SEMA5A: variants seen among roughly 807,000 people sequenced by gnomAD.
SEMA5A encodes the protein semaphorin-5A.
Under a neutral mutation model 135.5 loss-of-function variants are expected in SEMA5A, and 55 were observed. The ratio of observed to expected loss-of-function variants is 0.41; its 90% confidence interval spans 0.33 to 0.51. The LOEUF is 0.51. Among genes scored for constraint, SEMA5A ranks in the 20% least tolerant of loss-of-function variants. The pLI is 0.37. For missense variants in SEMA5A, 1,290 were observed against 1,419.9 expected (o/e 0.91, Z 1.47); for synonymous variants, 580 against 546.5 (o/e 1.06, Z -0.85).
At chr5:9,510,936 C>T (rs536956411) in intron 1 of SEMA5A, among the ~76,000 whole-genome samples, 15 of 152,296 alleles carry the variant, frequency 9.8e-5, no homozygotes, top group South Asian at 2.1e-4. Context: ...ATGGTCCATT[C>T]GGCCTGCCAT....
intron 13 of SEMA5A, among the ~76,000 whole-genome samples, chr5:9,133,137 T>G (rs1417237099): frequency 6.6e-6 from 1 of 152,212 alleles, no homozygotes; most frequent in Non-Finnish European, 1.5e-5. Context: ...ATTTGCCCAA[T>G]AAAATTAAGC....
intron 4 of SEMA5A, among the ~76,000 whole-genome samples, chr5:9,321,021 G>A (rs751181204): frequency 7.2e-5 from 11 of 152,160 alleles, no homozygotes; most frequent in Admixed American, 5.2e-4. Flanking sequence ...TCCAGGGAGG[G>A]GCCTAGTAGG....
At chr5:9,499,837 G>C (rs1291263966) in intron 1 of SEMA5A, among the ~76,000 whole-genome samples, 3 of 151,996 alleles carry the variant, frequency 2.0e-5, no homozygotes, top group Non-Finnish European at 4.4e-5. Context: ...ACATCACATG[G>C]AGCACAGAGC....
intron 5 of SEMA5A, among the ~76,000 whole-genome samples, chr5:9,269,946 G>T (rs895075548): frequency 6.6e-6 from 1 of 152,100 alleles, no homozygotes; most frequent in African/African-American, 2.4e-5. Context: ...AGAAGGGCCT[G>T]CTTGCAAAAT....
At chr5:9,495,609 C>A (rs148481469) in intron 1 of SEMA5A, among the ~76,000 whole-genome samples, 7 of 152,264 alleles carry the variant, frequency 4.6e-5, no homozygotes, top group Admixed American at 1.3e-4. Flanking sequence ...AATAACCAGC[C>A]CCTCAACAAG....
At chr5:9,107,248 T>C (rs1355282488) in intron 16 of SEMA5A, among the ~76,000 whole-genome samples, 1 of 152,182 alleles carries the variant, frequency 6.6e-6, no homozygotes, top group Non-Finnish European at 1.5e-5. Context: ...GGAAATGCTG[T>C]TACTCTTACA....
At chr5:9,373,972 A>G (rs1262391256) in intron 3 of SEMA5A, among the ~76,000 whole-genome samples, 1 of 152,216 alleles carries the variant, frequency 6.6e-6, no homozygotes, top group African/African-American at 2.4e-5. Flanking sequence ...AATTTCAGAG[A>G]TGGTTTTGAG....
Position 9,054,177 on chromosome 5 carries a change from A to T in SEMA5A, c.2599T>A (p.Ser867Thr), listed in dbSNP as rs746993347. The change falls in exon 19 of 23, where the codon TCT becomes ACT. Residue 867 changes from serine to threonine, a missense_variant. Around this residue, in one of 3 missense-constraint regions of SEMA5A, gnomAD observed 1,029 missense variants for 1,086.6 expected, o/e 0.95. Coordinates refer to ENST00000382496, the MANE Select transcript of SEMA5A (RefSeq NM_003966.3). Reference protein sequence around the residue: ...CGGGHYMRTRSCSNPAPAYGG... With the variant: ...CGGGHYMRTRTCSNPAPAYGG... ...TAGGCCGGGGCTGGATTGGAGCAAG[A>T]GCGGGTCCTCATATAGTGTCCACCG... 5.0e-6 allele frequency: 8 copies of T among 1,614,024 alleles called. No individual in the cohort carries two copies. Among genetic ancestry groups the T allele is most frequent in the Non-Finnish European group, 5.1e-6 (6 of 1,179,996 alleles).
intron 16 of SEMA5A, among the ~76,000 whole-genome samples, chr5:9,104,759 C>T (rs1297955613): frequency 2.0e-5 from 3 of 152,192 alleles, no homozygotes; most frequent in Non-Finnish European, 4.4e-5. Context: ...TGTGAAGCCA[C>T]AGGCATGCAG....
At chr5:9,313,744 C>G (rs1473217264) in intron 5 of SEMA5A, among the ~76,000 whole-genome samples, 1 of 152,092 alleles carries the variant, frequency 6.6e-6, no homozygotes, top group Admixed American at 6.6e-5. Context: ...GGTGTTGTCT[C>G]CAGTGAAACT....
chr5:9,381,971 TGTGTGTGTGTGCGC>T (rs56948393), intron 2 of SEMA5A, among the ~76,000 whole-genome samples: 1,684 of 128,860 alleles, frequency 0.013, 45 homozygotes, highest in Middle Eastern at 0.065. Context: ...TGTGTGTGTG[TGTGTGTGTGTGCGC>T]GCGCGCGCAC....
intron 18 of SEMA5A, among the ~76,000 whole-genome samples, chr5:9,058,995 A>G (rs1737039876): frequency 6.6e-6 from 1 of 152,228 alleles, no homozygotes; most frequent in Non-Finnish European, 1.5e-5. Flanking sequence ...ATTTATCTAT[A>G]GGACACACAA....
intron 2 of SEMA5A, among the ~76,000 whole-genome samples, chr5:9,381,981 T>TGTGTGTGTGTGTGTGTGC (rs1411451751): frequency 1.2e-4 from 12 of 99,918 alleles, no homozygotes; most frequent in Non-Finnish European, 2.4e-4. Context: ...TGTGTGTGTG[T>TGTGTGTGTGTGTGTGTGC]GCGCGCGCGC....
At chr5:9,064,905 G>A (rs1403771974) in intron 17 of SEMA5A, among the ~76,000 whole-genome samples, 1 of 152,168 alleles carries the variant, frequency 6.6e-6, no homozygotes, top group African/African-American at 2.4e-5. Flanking sequence ...CCTAGGTGGA[G>A]GTCACAAGAT....
intron 1 of SEMA5A, among the ~76,000 whole-genome samples, chr5:9,455,787 T>A (rs1758811419): frequency 6.6e-6 from 1 of 152,158 alleles, no homozygotes; most frequent in Non-Finnish European, 1.5e-5. Context: ...TGTGTATAAA[T>A]AAATTAACTG....
At chr5:9,542,569 T>C (rs925373515) in intron 1 of SEMA5A, among the ~76,000 whole-genome samples, 5 of 152,208 alleles carry the variant, frequency 3.3e-5, no homozygotes, top group Non-Finnish European at 5.9e-5. Flanking sequence ...ATTTTAAACA[T>C]TATTTAACAC....
chr5:9,475,897 C>T (rs961920815), intron 1 of SEMA5A, among the ~76,000 whole-genome samples: 2 of 152,166 alleles, frequency 1.3e-5, no homozygotes, highest in Admixed American at 1.3e-4. Context: ...GAAAGAAAAT[C>T]TCCCTTCCAT....
chr5:9,127,559 G>A (rs1008350074), intron 13 of SEMA5A, among the ~76,000 whole-genome samples: 4 of 152,084 alleles, frequency 2.6e-5, no homozygotes, highest in Admixed American at 1.3e-4. Context: ...ACCCTGTACC[G>A]ACAAACTGAC....
At chr5:9,271,073 TG>T (rs1219910097) in intron 5 of SEMA5A, among the ~76,000 whole-genome samples, 1 of 152,092 alleles carries the variant, frequency 6.6e-6, no homozygotes, top group Non-Finnish European at 1.5e-5. Flanking sequence ...AGGGGCCTGG[TG>T]GGAGGTCTTT....
Sources: gnomAD v4.1 joint callset for allele counts (sites outside exome capture counted in the v4.1 genomes callset) on GRCh38, gnomAD v4.1.1 for gene constraint, gnomAD v4.1.1 regional missense constraint, MANE v1.5 for transcripts, NCBI Gene and HGNC (gene_info 2026-07-23, HGNC 2026-07-21) for gene names.